The following CTNNB1 variants were observed in gnomAD, a reference collection of about 807,000 sequenced individuals.
The protein encoded by CTNNB1 is catenin beta-1.
In CTNNB1, 6 loss-of-function variants were observed where a neutral mutation model predicts 82.5. That is an observed-to-expected ratio of 0.07 (90% CI 0.04 to 0.14). The LOEUF (loss-of-function observed/expected upper bound fraction) is 0.14, where lower values mean the gene tolerates loss of function less well. CTNNB1 is among the 10% of genes least tolerant of loss of function. The pLI, the probability that CTNNB1 is intolerant of heterozygous loss-of-function variation, is 1.00. For synonymous variants in CTNNB1, 312 were observed against 329.7 expected, an observed-to-expected ratio of 0.95 and a Z score of 0.58; for missense variants, 529 against 980.4, an observed-to-expected ratio of 0.54 and a Z score of 6.15.
At chr3:41,212,766 A>G (rs1246125586) in intron 1 of CTNNB1, among the ~76,000 whole-genome samples, 5 of 152,234 alleles carry the variant, frequency 3.3e-5, no homozygotes, top group Admixed American at 3.3e-4. Flanking sequence ...TAGTATCACA[A>G]TCTAATTGTG....
chr3:41,205,353 T>C (rs921294372), intron 1 of CTNNB1, among the ~76,000 whole-genome samples: 2 of 152,246 alleles, frequency 1.3e-5, no homozygotes, highest in African/African-American at 4.8e-5. Flanking sequence ...TAAGTTTATG[T>C]AGGCAGTTAA....
At chr3:41,208,453 C>G (rs1413344111) in intron 1 of CTNNB1, among the ~76,000 whole-genome samples, 1 of 152,114 alleles carries the variant, frequency 6.6e-6, no homozygotes, top group Admixed American at 6.5e-5. Context: ...TAACTCTGCT[C>G]TCTTCCCCCA....
chr3:41,224,408 CTTT>C lies in CTNNB1; in HGVS notation c.14-117_14-115del, dbSNP rs909376783. On this transcript the variant is annotated intron_variant, in intron 2 of 14. Transcript: ENST00000349496. Reference sequence around the variant, plus strand: ...CTATCATTCTGCTTTTCTTGGCTGTCTTTCAGATTTGACTTTATTTCTAAAAAT... The same window carrying C: ...CTATCATTCTGCTTTTCTTGGCTGTCCAGATTTGACTTTATTTCTAAAAAT... 5.4e-6 allele frequency: 6 copies of C among 1,109,918 alleles called. No homozygotes were observed. The African/African-American group carries it at 9.4e-5, about 17-fold the overall frequency. The allele number at this position is 1,109,918 out of a possible 1,614,324, so 68.8% of individuals were successfully genotyped here.
chr3:41,221,993 A>G (rs2078060224), intron 1 of CTNNB1: 1 of 152,132 alleles, frequency 6.6e-6, no homozygotes, highest in South Asian at 2.1e-4. Context: ...TGGAGATACT[A>G]AATTGAAGTG....
chr3:41,208,253 T>G (rs1312658285), intron 1 of CTNNB1, among the ~76,000 whole-genome samples: 1 of 152,204 alleles, frequency 6.6e-6, no homozygotes, highest in Non-Finnish European at 1.5e-5. Context: ...AGCTTACTTT[T>G]TTTGTAGCAA....
intron 1 of CTNNB1, among the ~76,000 whole-genome samples, chr3:41,204,060 T>G (rs1006976336): frequency 2.6e-5 from 4 of 152,140 alleles, no homozygotes; most frequent in Admixed American, 6.5e-5. Context: ...ATATGATTTT[T>G]TACTACTTAA....
Position 41,239,482 on chromosome 3 carries a change from TACTTTG to T in CTNNB1, c.*142_*147del. The T allele has an allele frequency of 1.4e-6, 1 of 727,104 alleles. No individual in the cohort carries two copies. The highest frequency in any genetic ancestry group is 2.4e-6 in the Non-Finnish European group (1 of 417,574). The allele number at this position is 727,104 out of a possible 1,614,324, so 45.0% of individuals were successfully genotyped here. A position where few individuals can be genotyped will look rare whatever the true frequency, so the allele number is the denominator to read the frequency against. Reference sequence around the variant, plus strand: ...TAAATCTGCCACAAAAACAGGTATATACTTTGAAAGGAGATGTCTTGGAACATTGGA... The same window carrying T: ...TAAATCTGCCACAAAAACAGGTATATAAAGGAGATGTCTTGGAACATTGGA... On this transcript the variant is annotated 3_prime_UTR_variant, in exon 15 of 15. Transcript: ENST00000349496.
intron 9 of CTNNB1, 80 bp downstream of exon 9, chr3:41,233,947 A>G (rs1027308027): frequency 6.8e-7 from 1 of 1,475,434 alleles, no homozygotes; most frequent in African/African-American, 1.4e-5. Flanking sequence ...CTGTCTAAGC[A>G]TAGTGATCAA....
chr3:41,200,156 T>G (rs1304973575), intron 1 of CTNNB1: 1 of 152,238 alleles, frequency 6.6e-6, no homozygotes, highest in Non-Finnish European at 1.5e-5. Flanking sequence ...CTAAGTCCCA[T>G]CAGTCCTGGG....
chr3:41,213,678 A>G (rs1218468175), intron 1 of CTNNB1, among the ~76,000 whole-genome samples: 1 of 152,230 alleles, frequency 6.6e-6, no homozygotes, highest in African/African-American at 2.4e-5. Flanking sequence ...CCTTTTGATT[A>G]ATATCACAAT....
In CTNNB1 at chr3:41,239,294, G is replaced by T. The variant is rs753373060; in HGVS notation, c.2298G>T (p.Leu766=). The T allele has an allele frequency of 4.3e-6, 7 of 1,614,166 alleles. No homozygotes were observed. In the South Asian group the frequency reaches 7.7e-5, roughly 18 times the overall value. ...ATGCCCAGGACCTCATGGATGGGCTGCCTCCAGGTGACAGCAATCAGCTGG... is the reference window on the plus strand; with the variant it reads ...ATGCCCAGGACCTCATGGATGGGCTTCCTCCAGGTGACAGCAATCAGCTGG... ...LGHAQDLMDG[L]PPGDSNQLAW... is the part of the protein sequence containing the mutation. Residue 766 remains leucine, a synonymous_variant, in exon 15 of 15, where the codon CTG becomes CTT. Transcript: ENST00000349496.
chr3:41,235,564 T>C (rs1282192096), intron 10 of CTNNB1, 160 bp from the exon 11 acceptor site: 3 of 914,988 alleles, frequency 3.3e-6, no homozygotes, highest in Admixed American at 2.0e-5. Context: ...AGGCCTCTTT[T>C]CAGTGACATT....
intron 1 of CTNNB1, among the ~76,000 whole-genome samples, chr3:41,212,645 AC>A (rs2077820524): frequency 6.6e-6 from 1 of 152,196 alleles, no homozygotes; most frequent in Non-Finnish European, 1.5e-5. Context: ...GTTGGTAGCA[AC>A]CAGCTACCCA....
At chr3:41,200,993 A>G (rs751780143) in intron 1 of CTNNB1, among the ~76,000 whole-genome samples, 1 of 152,256 alleles carries the variant, frequency 6.6e-6, no homozygotes, top group Non-Finnish European at 1.5e-5. Flanking sequence ...GCTTTGTATC[A>G]TGAATAATGG....
At chr3:41,228,426 ACGGTAT>A (rs1354353756) in intron 7 of CTNNB1, among the ~76,000 whole-genome samples, 1 of 152,142 alleles carries the variant, frequency 6.6e-6, no homozygotes, top group Non-Finnish European at 1.5e-5. Context: ...CTGGTGTGAG[ACGGTAT>A]CTCATTGTGG....
chr3:41,208,622 A>G (rs2077703945), intron 1 of CTNNB1, among the ~76,000 whole-genome samples: 1 of 152,076 alleles, frequency 6.6e-6, no homozygotes, highest in South Asian at 2.1e-4. Flanking sequence ...AATTATAATC[A>G]CTTTCTCGTA....
rs1168550062 is a variant in CTNNB1, at chr3:41,240,108, ACTAATTCATAATCACT to A, written c.*773_*788del. On this transcript the variant is annotated 3_prime_UTR_variant, in exon 15 of 15. Coordinates refer to ENST00000349496, the MANE Select transcript of CTNNB1 (RefSeq NM_001904.4). ...TAAGAATTGAGTAATGGTGTAGAAC[ACTAATTCATAATCACT>A]CTAATTAATTGTAATCTGAATAAAG... 5 of 185,996 alleles carry A rather than the reference ACTAATTCATAATCACT, an allele frequency of 2.7e-5. No individual in the cohort carries two copies. The East Asian group carries it at 2.9e-4, about 11-fold the overall frequency. 11.5% of individuals were successfully genotyped at this position (185,996 alleles called of 1,614,324 possible).
At chr3:41,213,682 T>C (rs187093371) in intron 1 of CTNNB1, among the ~76,000 whole-genome samples, 25 of 152,314 alleles carry the variant, frequency 1.6e-4, no homozygotes. Context: ...TTGATTAATA[T>C]CACAATCTCG....
intron 1 of CTNNB1, among the ~76,000 whole-genome samples, chr3:41,211,587 C>A (rs554702986): frequency 6.6e-6 from 1 of 152,198 alleles, no homozygotes; most frequent in East Asian, 1.9e-4. Context: ...TCCATGTGTA[C>A]CAAATGTTTA....
Sources: allele counts gnomAD v4.1 joint callset (sites outside exome capture counted in the v4.1 genomes callset), GRCh38; gene constraint gnomAD v4.1.1; transcripts MANE v1.5; gene names NCBI Gene and HGNC (gene_info 2026-07-23, HGNC 2026-07-21).